DNMT1: variants seen among roughly 807,000 people sequenced by gnomAD.
DNMT1 encodes DNA (cytosine-5)-methyltransferase 1.
DNMT1 carries 24 observed loss-of-function variants against 205.3 expected under a neutral mutation model. The ratio of observed to expected loss-of-function variants is 0.12; its 90% CI spans 0.08 to 0.16. The LOEUF (loss-of-function observed/expected upper bound fraction) is 0.16, where lower values mean the gene tolerates loss of function less well. Ranked by LOEUF, DNMT1 falls within the 10% of genes least tolerant of loss-of-function variation. DNMT1 has a pLI of 1.00. For synonymous variants in DNMT1, 817 were observed against 839.8 expected, an observed-to-expected ratio of 0.97 and a Z score of 0.47; for missense variants, 1,293 against 2,177.7, an observed-to-expected ratio of 0.59 and a Z score of 8.09.
intron 27 of DNMT1, among the ~76,000 whole-genome samples, chr19:10,147,515 G>A (rs1370432322): frequency 6.6e-6 from 1 of 152,052 alleles, no homozygotes; most frequent in Non-Finnish European, 1.5e-5. Flanking sequence ...GGAAGCTGAG[G>A]CAGGAGAATC....
At chr19:10,187,052 G>T (rs929214893) in intron 1 of DNMT1, among the ~76,000 whole-genome samples, 1 of 151,794 alleles carries the variant, frequency 6.6e-6, no homozygotes, top group Admixed American at 6.6e-5. Flanking sequence ...ACGTGAGACT[G>T]GCCACATACA....
intron 37 of DNMT1, 95 bp from the exon 38 acceptor site, chr19:10,136,382 T>C (rs2089483885): frequency 6.5e-7 from 1 of 1,545,090 alleles, no homozygotes; most frequent in African/African-American, 1.4e-5. Context: ...AGATGGCACC[T>C]CCTGTGCAAG....
At position 10,140,507 on chromosome 19, in the gene DNMT1, C is replaced by A; in HGVS notation, c.3524-179G>T. The A allele has an allele frequency of 1.0e-6, 1 of 982,814 alleles. No homozygotes were observed. Among genetic ancestry groups the A allele is most frequent in the Non-Finnish European group, 1.5e-6 (1 of 664,374 alleles). 60.9% of individuals were successfully genotyped at this position (982,814 alleles called of 1,614,324 possible). A position where few individuals can be genotyped will look rare whatever the true frequency, so the allele number is the denominator to read the frequency against. On this transcript the variant is annotated intron_variant, in intron 32 of 40. Transcript: ENST00000359526. The surrounding 1 kb of genome is among the most constrained non-coding windows in gnomAD (Gnocchi z 8.4). ...ACCTCAGCCTCCTGAGTAGCTGGGACTACAGGCACACACCACCACGCCCAG... is the reference window on the plus strand; with the variant it reads ...ACCTCAGCCTCCTGAGTAGCTGGGAATACAGGCACACACCACCACGCCCAG...
chr19:10,177,331 C>A lies in DNMT1; in HGVS notation c.530G>T (p.Ser177Ile). The A allele has an allele frequency of 6.2e-7, 1 of 1,613,472 alleles. No homozygotes were observed. Among genetic ancestry groups the A allele is most frequent in the Non-Finnish European group, 8.5e-7 (1 of 1,179,868 alleles). The change falls in exon 6 of 41, where the codon AGC becomes ATC. Residue 177 changes from serine to isoleucine, a missense_variant. Around this residue, in one of 13 missense-constraint regions of DNMT1, gnomAD observed 394 missense variants for 451.6 expected, o/e 0.87. Transcript: ENST00000359526. Reference sequence around the variant, plus strand: ...AGATGTGATGGTGGTTTGCCTGGTGCTTTTCCTTGTAATCCTGGGGCTAGG... The same window carrying A: ...AGATGTGATGGTGGTTTGCCTGGTGATTTTCCTTGTAATCCTGGGGCTAGG... Reference protein sequence around the residue: ...PSPSPRITRKSTRQTTITSHF... With the variant: ...PSPSPRITRKITRQTTITSHF...
chr19:10,142,101 T>G lies in DNMT1; in HGVS notation c.3236A>C (p.Glu1079Ala). ...FKAVQGRCTV[E>A]YGEDLPECVQ... ...GCACTCGGGCAGGTCCTCCCCATAC[T>G]CCACGGTGCAGCGGCCCTGCACAGC... Residue 1079 changes from glutamate to alanine, a missense_variant, in exon 30 of 41, where the codon GAG (glutamate) becomes GCG (alanine). Coordinates refer to ENST00000359526, the MANE Select transcript of DNMT1 (RefSeq NM_001130823.3). 6.2e-7 allele frequency: 1 copy of G among 1,612,960 alleles called. No individual in the cohort carries two copies. The highest frequency in any genetic ancestry group is 8.5e-7 in the Non-Finnish European group (1 of 1,179,192).
intron 17 of DNMT1, among the ~76,000 whole-genome samples, chr19:10,158,573 T>C (rs2038503230): frequency 6.6e-6 from 1 of 151,976 alleles, no homozygotes; most frequent in Non-Finnish European, 1.5e-5. Flanking sequence ...CCCTGGAGGG[T>C]AACTGCACCC....
intron 30 of DNMT1, 80 bp from the exon 31 acceptor site, chr19:10,141,269 T>G: frequency 7.0e-7 from 1 of 1,431,022 alleles, no homozygotes; most frequent in South Asian, 1.2e-5. Flanking sequence ...GAAGGCAATT[T>G]GATAGTCACT....
At chr19:10,176,240 T>C (rs2038936540) in intron 6 of DNMT1, among the ~76,000 whole-genome samples, 2 of 151,766 alleles carry the variant, frequency 1.3e-5, no homozygotes, top group African/African-American at 4.8e-5. Context: ...TATCAGTTTA[T>C]AGGGAACAGA....
Position 10,143,829 on chromosome 19 carries a change from G to A in DNMT1, c.3053C>T (p.Pro1018Leu), listed in dbSNP as rs1487276325. Residue 1018 changes from proline to leucine, a missense_variant, in exon 29 of 41, where the codon CCC becomes CTC. This residue lies in a region of DNMT1 where 167 missense variants were observed against 258.1 expected (regional missense o/e 0.65). Transcript: ENST00000359526. ...RIGRIKEIFCPKKSNGRPNET... is the reference protein window; with the variant it reads ...RIGRIKEIFCLKKSNGRPNET... Reference sequence around the variant, plus strand: ...ATTGGGCCTGCCGTTGCTCTTCTTGGGACAGAAGATCTCTTTGATCCGGCC... The same window carrying A: ...ATTGGGCCTGCCGTTGCTCTTCTTGAGACAGAAGATCTCTTTGATCCGGCC... The A allele has an allele frequency of 6.2e-7, 1 of 1,614,110 alleles. No individual in the cohort carries two copies.
At position 10,140,305 on chromosome 19, in the gene DNMT1, T is replaced by C; in HGVS notation, c.3547A>G (p.Ile1183Val). 6.2e-7 allele frequency: 1 copy of C among 1,613,732 alleles called. No individual in the cohort carries two copies. Among genetic ancestry groups the C allele is most frequent in the African/African-American group, 1.3e-5 (1 of 74,974 alleles). The change falls in exon 33 of 41, where the codon ATC becomes GTC. Residue 1183 changes from isoleucine to valine, a missense_variant. Transcript: ENST00000359526. This position sits in a 1 kb window ranked among gnomAD's most constrained non-coding sequence, Gnocchi z 8.4. Reference protein sequence around the residue: ...QAGISDTLWAIEMWDPAAQAF... With the variant: ...QAGISDTLWAVEMWDPAAQAF... ...TGGGCCGCAGGGTCCCACATCTCGA[T>C]GGCCCACAGCGTGTCAGAGATGCCT... is the stretch of plus-strand genomic sequence containing the variant.
chr19:10,175,094 C>T (rs1599389658), intron 7 of DNMT1, among the ~76,000 whole-genome samples: 2 of 118,224 alleles, frequency 1.7e-5, no homozygotes, highest in African/African-American at 3.2e-5. Flanking sequence ...TACACACACA[C>T]ACACACACAC....
intron 7 of DNMT1, among the ~76,000 whole-genome samples, chr19:10,174,110 C>T (rs1450751383): frequency 3.9e-5 from 6 of 152,054 alleles, no homozygotes; most frequent in Admixed American, 2.0e-4. Flanking sequence ...AAAGCAGGTC[C>T]GAGAAGTAGG....
chr19:10,162,900 G>C, intron 12 of DNMT1, 152 bp from the exon 13 acceptor site: 2 of 808,074 alleles, frequency 2.5e-6, no homozygotes, highest in East Asian at 2.7e-5. Context: ...GTCATCCCGA[G>C]ACGAGGCCTT....
At chr19:10,182,610 GTA>G (rs1204604154) in intron 1 of DNMT1, among the ~76,000 whole-genome samples, 2 of 150,394 alleles carry the variant, frequency 1.3e-5, no homozygotes, top group African/African-American at 2.4e-5. Context: ...ATATATGTAT[GTA>G]TATATGTGTA....
At chr19:10,168,286 T>C in intron 10 of DNMT1, 44 bp downstream of exon 10, 1 of 1,611,842 alleles carries the variant, frequency 6.2e-7, no homozygotes, top group Non-Finnish European at 8.5e-7. Flanking sequence ...ATGTTAGCAA[T>C]TCAGTTTCAC....
intron 1 of DNMT1, among the ~76,000 whole-genome samples, chr19:10,191,281 A>C (rs577803602): frequency 8.6e-5 from 13 of 151,432 alleles, no homozygotes; most frequent in African/African-American, 2.9e-4. Flanking sequence ...ACCCTGCCTC[A>C]ATTAAAAAAA....
intron 11 of DNMT1, 32 bp from the exon 12 acceptor site, chr19:10,163,392 T>C (rs751031712): frequency 6.2e-7 from 1 of 1,610,890 alleles, no homozygotes; most frequent in South Asian, 1.1e-5. Context: ...GGTAGAGAGA[T>C]AAAGAAGGGA....
Position 10,137,771 on chromosome 19 carries a change from G to A in DNMT1, c.4293+61C>T, listed in dbSNP as rs1468602259. 2.5e-6 allele frequency: 4 copies of A among 1,582,570 alleles called. No homozygotes were observed. Among genetic ancestry groups the A allele is most frequent in the African/African-American group, 2.7e-5 (2 of 74,282 alleles). ...CCCCTGAGTCTTGGGCAGGCTGACT[G>A]TTCCCACGAGGCTGCTGGGCTGGGC... On this transcript the variant is annotated intron_variant, in intron 36 of 40. Transcript: ENST00000359526. The surrounding 1 kb of genome is among the most constrained non-coding windows in gnomAD (Gnocchi z 6.4).
In DNMT1 at chr19:10,149,919, G is replaced by T. The variant is rs142562681; in HGVS notation, c.2315C>A (p.Thr772Asn). 3.2e-5 allele frequency: 52 copies of T among 1,614,192 alleles called. No individual in the cohort carries two copies. In the African/African-American group the frequency reaches 5.9e-4, roughly 18 times the overall value. ...YYKKVCIDAE[T>N]LEVGDCVSVI... ...AGAGACACAGTCCCCCACTTCCAGG[G>T]TTTCCGCATCAATGCACACCTTCTT... is the stretch of plus-strand genomic sequence containing the variant. Residue 772 changes from threonine to asparagine, a missense_variant, in exon 25 of 41, where the codon ACC (threonine) becomes AAC (asparagine). Transcript: ENST00000359526.
Sources: gnomAD v4.1 joint callset for allele counts (sites outside exome capture counted in the v4.1 genomes callset) on GRCh38, gnomAD v4.1.1 for gene constraint, gnomAD v4.1.1 regional missense constraint, Gnocchi (gnomAD v3.1) non-coding constraint, MANE v1.5 for transcripts, NCBI Gene and HGNC (gene_info 2026-07-23, HGNC 2026-07-21) for gene names.